Variants in MGMT observed in about 807,000 individuals in gnomAD.
MGMT encodes the protein methylated-DNA--protein-cysteine methyltransferase.
A neutral mutation model predicts 15.9 loss-of-function variants in MGMT; 14 were observed. The observed-to-expected ratio is 0.88, with a 90% CI of 0.58 to 1.37. The LOEUF is 1.37. Among genes scored for constraint, MGMT ranks in the 40% most tolerant of loss-of-function variants. MGMT has a pLI of 0.00. For missense variants in MGMT, 282 were observed against 268.1 expected (o/e 1.05, Z -0.36); for synonymous variants, 130 against 118.2 (o/e 1.10, Z -0.65).
intron 2 of MGMT, among the ~76,000 whole-genome samples, chr10:129,644,952 G>A (rs929977618): frequency 2.6e-5 from 4 of 152,142 alleles, no homozygotes; most frequent in Non-Finnish European, 5.9e-5. Context: ...AGTCCAGGCA[G>A]AAGGATGGGC....
intron 1 of MGMT, among the ~76,000 whole-genome samples, chr10:129,476,976 G>A (rs967421271): frequency 8.5e-5 from 13 of 152,190 alleles, no homozygotes; most frequent in Non-Finnish European, 1.8e-4. Flanking sequence ...CAGCCTCCCC[G>A]CCTGTGGACC....
intron 1 of MGMT, among the ~76,000 whole-genome samples, chr10:129,482,972 TCCTC>T (rs936185035): frequency 5.3e-5 from 8 of 152,210 alleles, no homozygotes; most frequent in African/African-American, 1.9e-4. Flanking sequence ...TTTTTGCCCT[TCCTC>T]CATCTTCCGT....
rs528874121 is a variant in MGMT, at chr10:129,766,815, G to A, written c.442G>A (p.Val148Met). The change falls in exon 5 of 5, where the codon GTG becomes ATG. Residue 148 changes from valine (V) to methionine (M), a missense_variant. By Grantham distance (21) the Val-to-Met change is conservative. Transcript: ENST00000651593. ...CCCCATCCTCATCCCGTGCCACAGA[G>A]TGGTCTGCAGCAGCGGAGCCGTGGG... ...PVPILIPCHR[V>M]VCSSGAVGNY... 1 of 1,613,396 alleles carries A rather than the reference G, an allele frequency of 6.2e-7. No individual in the cohort carries two copies. Among genetic ancestry groups the A allele is most frequent in the South Asian group, 1.1e-5 (1 of 91,052 alleles).
intron 1 of MGMT, among the ~76,000 whole-genome samples, chr10:129,534,850 T>C (rs1438026775): frequency 6.6e-6 from 1 of 151,850 alleles, no homozygotes; most frequent in Non-Finnish European, 1.5e-5. Flanking sequence ...GACCTTTCTG[T>C]AGAGGGTTCC....
At chr10:129,725,855 C>A (rs761461670) in intron 3 of MGMT, among the ~76,000 whole-genome samples, 1 of 152,236 alleles carries the variant, frequency 6.6e-6, no homozygotes, top group African/African-American at 2.4e-5. Context: ...GCCTAGGGTT[C>A]AATTCTGCTG....
intron 1 of MGMT, among the ~76,000 whole-genome samples, chr10:129,534,397 G>A (rs913399061): frequency 6.6e-6 from 1 of 152,128 alleles, no homozygotes; most frequent in South Asian, 2.1e-4. Context: ...TGGGGTGATC[G>A]AATGGGATCC....
At chr10:129,701,381 C>T (rs41282882) in intron 2 of MGMT, 12,729 of 152,260 alleles carry the variant, frequency 0.084, 715 homozygotes, top group Admixed American at 0.17. Context: ...GAGTGTCCCA[C>T]GGTCAGCCCG....
chr10:129,683,549 C>T (rs1847876093), intron 2 of MGMT, among the ~76,000 whole-genome samples: 1 of 152,214 alleles, frequency 6.6e-6, no homozygotes, highest in African/African-American at 2.4e-5. Flanking sequence ...ACGTTGATCA[C>T]AGTTGAAACT....
chr10:129,536,606 C>G, intron 2 of MGMT: 1 of 455,778 alleles, frequency 2.2e-6, no homozygotes, highest in South Asian at 4.6e-5. Flanking sequence ...CAGGGCCGTT[C>G]CCTTCATACC....
At chr10:129,617,551 G>A (rs541781619) in intron 2 of MGMT, among the ~76,000 whole-genome samples, 1 of 152,028 alleles carries the variant, frequency 6.6e-6, no homozygotes, top group Admixed American at 6.5e-5. Flanking sequence ...CACCAAGAGC[G>A]TATAAGCATT....
At chr10:129,494,994 G>A (rs1211116585) in intron 1 of MGMT, among the ~76,000 whole-genome samples, 1 of 152,216 alleles carries the variant, frequency 6.6e-6, no homozygotes, top group African/African-American at 2.4e-5. Context: ...GGCTGAAGCG[G>A]AGAAGAATAA....
intron 2 of MGMT, among the ~76,000 whole-genome samples, chr10:129,553,958 T>C (rs1846186052): frequency 6.6e-6 from 1 of 152,204 alleles, no homozygotes; most frequent in African/African-American, 2.4e-5. Context: ...AAGAGCAGCA[T>C]GAGGAAGACT....
intron 2 of MGMT, chr10:129,563,965 G>A (rs80178746): frequency 6.6e-6 from 1 of 152,432 alleles, no homozygotes; most frequent in Admixed American, 6.5e-5. Context: ...CCATCCTTTG[G>A]CCTTGTGTGT....
chr10:129,719,815 ATC>A (rs1848348475), intron 3 of MGMT, among the ~76,000 whole-genome samples: 3 of 152,230 alleles, frequency 2.0e-5, no homozygotes, highest in Admixed American at 1.3e-4. Context: ...GCCTCTGATT[ATC>A]TGTCTGTAAA....
intron 2 of MGMT, among the ~76,000 whole-genome samples, chr10:129,672,822 C>T (rs1368833642): frequency 6.6e-6 from 1 of 152,030 alleles, no homozygotes; most frequent in Non-Finnish European, 1.5e-5. Flanking sequence ...CATTTTTGTT[C>T]ATATTGTCTT....
chr10:129,758,737 A>G lies in MGMT; in HGVS notation c.275-465A>G, dbSNP rs560672176. On this transcript the variant is annotated intron_variant, in intron 3 of 4. Coordinates refer to ENST00000651593, the MANE Select transcript of MGMT (RefSeq NM_002412.5). Reference sequence around the variant, plus strand: ...GAATCCTGCACGCGGCTGGAGGTGGACAGCCGGCATAATATCGCAGCCTGG... The same window carrying G: ...GAATCCTGCACGCGGCTGGAGGTGGGCAGCCGGCATAATATCGCAGCCTGG... Among the ~76,000 whole-genome samples, 432 of 152,284 alleles carry G rather than the reference A, an allele frequency of 2.8e-3. 2 individuals are homozygous for G. The highest frequency in any genetic ancestry group is 6.0e-3 in the Admixed American group (92 of 15,296).
At chr10:129,488,478 T>C (rs530676370) in intron 1 of MGMT, among the ~76,000 whole-genome samples, 2 of 152,364 alleles carry the variant, frequency 1.3e-5, no homozygotes, top group East Asian at 3.9e-4. Flanking sequence ...GTCTGTTATA[T>C]GTGCTGCAAT....
At chr10:129,665,857 A>T (rs916880600) in intron 2 of MGMT, among the ~76,000 whole-genome samples, 1 of 152,224 alleles carries the variant, frequency 6.6e-6, no homozygotes, top group Non-Finnish European at 1.5e-5. Context: ...GTGTGCCTGT[A>T]CTCCAGGGAA....
chr10:129,622,318 C>T (rs574262421), intron 2 of MGMT, among the ~76,000 whole-genome samples: 1 of 152,300 alleles, frequency 6.6e-6, no homozygotes, highest in Admixed American at 6.5e-5. Context: ...AGCAGAGATA[C>T]GATTCCACTT....
Sources: gnomAD v4.1 joint callset for allele counts (sites outside exome capture counted in the v4.1 genomes callset) on GRCh38, gnomAD v4.1.1 for gene constraint, MANE v1.5 for transcripts, NCBI Gene and HGNC (gene_info 2026-07-23, HGNC 2026-07-21) for gene names.